Variants in PUS1 observed in about 807,000 individuals in gnomAD.
PUS1 encodes the protein pseudouridylate synthase 1 homolog.
Under a neutral mutation model 38.5 loss-of-function variants are expected in PUS1, and 25 were observed. That is an observed-to-expected ratio of 0.65 (90% CI 0.47 to 0.91). The LOEUF is 0.91. Among genes scored for constraint, PUS1 ranks in the 40% least tolerant of loss-of-function variants. The pLI, the probability that PUS1 is intolerant of heterozygous loss-of-function variation, is 0.00. For synonymous variants in PUS1, 282 were observed against 260.4 expected (o/e 1.08, Z -0.80); for missense variants, 597 against 612.3 (o/e 0.97, Z 0.26).
intron 3 of PUS1, chr12:131,932,558 C>G (rs1256329082): frequency 8.5e-6 from 5 of 586,442 alleles, no homozygotes; most frequent in Non-Finnish European, 9.1e-6. Flanking sequence ...TGTGTTGATT[C>G]TGTTCTCAGG....
chr12:131,941,043 A>G lies in PUS1; in HGVS notation c.545-249A>G. 1 of 554,780 alleles carries G rather than the reference A, an allele frequency of 1.8e-6. No individual in the cohort carries two copies. Among genetic ancestry groups the G allele is most frequent in the Non-Finnish European group, 3.2e-6 (1 of 309,202 alleles). 34.4% of individuals were successfully genotyped at this position (554,780 alleles called of 1,614,324 possible). A position where few individuals can be genotyped will look rare whatever the true frequency, so the allele number is the denominator to read the frequency against. On this transcript the variant is annotated intron_variant, in intron 4 of 5. Coordinates refer to ENST00000376649, the MANE Select transcript of PUS1 (RefSeq NM_025215.6). This position sits in a 1 kb window ranked among gnomAD's most constrained non-coding sequence, Gnocchi z 4.4. The stretch of plus-strand genomic sequence containing the variant: ...ACATTCCGTATCTTCTCACTATTGG[A>G]AAATTACAATAAATGGTTGTAAATT...
intron 5 of PUS1, among the ~76,000 whole-genome samples, chr12:131,942,613 A>T (rs375972551): frequency 2.0e-5 from 3 of 152,068 alleles, no homozygotes; most frequent in East Asian, 1.9e-4. Flanking sequence ...TCACCATGTT[A>T]GCCAGGATGG....
At chr12:131,936,866 CAAA>C (rs113924882) in intron 3 of PUS1, among the ~76,000 whole-genome samples, 12 of 133,782 alleles carry the variant, frequency 9.0e-5, no homozygotes, top group Admixed American at 2.3e-4. Flanking sequence ...TCCAGCCTGG[CAAA>C]AAAAAAAAAA....
chr12:131,932,365 C>T, intron 3 of PUS1, 53 bp downstream of exon 3: 1 of 1,601,814 alleles, frequency 6.2e-7, no homozygotes, highest in South Asian at 1.1e-5. Context: ...AGCACGTGGC[C>T]CACTTTCCAG....
In PUS1 at chr12:131,944,521, A is replaced by C. The variant is rs1891220714; in HGVS notation, c.*935A>C. The C allele has an allele frequency of 6.6e-6, 1 of 152,150 alleles. No individual in the cohort carries two copies. The highest frequency in any genetic ancestry group is 3.4e-3 in the Middle Eastern group (1 of 294). The allele number at this position is 152,150 out of a possible 1,614,324, so 9.4% of individuals were successfully genotyped here. A position where few individuals can be genotyped will look rare whatever the true frequency, so the allele number is the denominator to read the frequency against. The stretch of plus-strand genomic sequence containing the variant: ...AGAGCCAAACTCCGTCAAAAAAAAA[A>C]CAACAAAAAAACCCAGCATCCTGCA... On this transcript the variant is annotated 3_prime_UTR_variant, in exon 6 of 6. Transcript: ENST00000376649.
At chr12:131,937,678 T>C (rs1187447501) in intron 3 of PUS1, among the ~76,000 whole-genome samples, 1 of 152,072 alleles carries the variant, frequency 6.6e-6, no homozygotes, top group Non-Finnish European at 1.5e-5. Context: ...ACTCCGCCCG[T>C]TTTTTTGTTT....
intron 3 of PUS1, among the ~76,000 whole-genome samples, chr12:131,936,865 G>C (rs1006620993): frequency 1.1e-4 from 14 of 130,594 alleles, no homozygotes; most frequent in Admixed American, 9.1e-4. Context: ...CTCCAGCCTG[G>C]CAAAAAAAAA....
In PUS1 at chr12:131,929,454, G is replaced by A. The variant is rs1816934409; in HGVS notation, c.-269G>A. Reference sequence around the variant, plus strand: ...TGGAGTTGATCCGTCAGGGTCCCGGGGCGGTCTGGGGGCAGTAGAGACGGG... The same window carrying A: ...TGGAGTTGATCCGTCAGGGTCCCGGAGCGGTCTGGGGGCAGTAGAGACGGG... On this transcript the variant is annotated 5_prime_UTR_variant, in exon 1 of 6. Transcript: ENST00000376649. 2.4e-6 allele frequency: 1 copy of A among 418,286 alleles called. No individual in the cohort carries two copies. Among genetic ancestry groups the A allele is most frequent in the Admixed American group, 4.4e-5 (1 of 22,608 alleles). The allele number at this position is 418,286 out of a possible 1,614,324, so 25.9% of individuals were successfully genotyped here.
chr12:131,935,684 T>C (rs9788193), intron 3 of PUS1, among the ~76,000 whole-genome samples: 128,368 of 151,864 alleles, frequency 0.85, 54,731 homozygotes, highest in South Asian at 0.92. Context: ...CAGGCATGCG[T>C]CACCACGCCC....
intron 1 of PUS1, 45 bp downstream of exon 1, chr12:131,929,841 C>T (rs1566139002): frequency 8.3e-6 from 12 of 1,438,774 alleles, no homozygotes; most frequent in Non-Finnish European, 9.3e-6. Context: ...CCGCCCAGCC[C>T]AGCCCACCCC....
Position 131,941,377 on chromosome 12 carries a change from T to G in PUS1, c.630T>G (p.Phe210Leu). The change falls in exon 5 of 6, where the codon TTT (phenylalanine) becomes TTG (leucine). Residue 210 changes from phenylalanine to leucine, a missense_variant. Physicochemically the swap from Phe to Leu is conservative, Grantham distance 22. Transcript: ENST00000376649. This position sits in a 1 kb window ranked among gnomAD's most constrained non-coding sequence, Gnocchi z 4.4. Reference sequence around the variant, plus strand: ...GCTACCTGCTGCCCACGTTTGCCTTTGCGCACAAGGACCGGGACGTTCAGG... The same window carrying G: ...GCTACCTGCTGCCCACGTTTGCCTTGGCGCACAAGGACCGGGACGTTCAGG... ...TYCYLLPTFA[F>L]AHKDRDVQDE... is the part of the protein sequence containing the mutation. 1 of 1,614,228 alleles carries G rather than the reference T, an allele frequency of 6.2e-7. No homozygotes were observed. The highest frequency in any genetic ancestry group is 1.1e-5 in the South Asian group (1 of 91,084).
Position 131,941,200 on chromosome 12 carries a change from A to G in PUS1, c.545-92A>G, listed in dbSNP as rs1442097277. ...AGCTTGGTCGGTGCTCTGGGTAAGG[A>G]GACGCTGGGGCTCACGCCGTGCTCA... On this transcript the variant is annotated intron_variant, in intron 4 of 5. Coordinates refer to ENST00000376649, the MANE Select transcript of PUS1 (RefSeq NM_025215.6). This position sits in a 1 kb window ranked among gnomAD's most constrained non-coding sequence, Gnocchi z 4.4. 1.8e-6 allele frequency: 2 copies of G among 1,127,712 alleles called. No individual in the cohort carries two copies. Among genetic ancestry groups the G allele is most frequent in the African/African-American group, 3.1e-5 (2 of 64,982 alleles). The allele number at this position is 1,127,712 out of a possible 1,614,324, so 69.9% of individuals were successfully genotyped here.
intron 3 of PUS1, among the ~76,000 whole-genome samples, chr12:131,936,293 G>A (rs1593292204): frequency 6.6e-6 from 1 of 151,676 alleles, no homozygotes; most frequent in East Asian, 2.0e-4. Flanking sequence ...GCTGGGCGCG[G>A]GGGCTTAGCC....
In PUS1 at chr12:131,941,286, C is replaced by G. The variant is rs377129914; in HGVS notation, c.545-6C>G. 64 of 1,613,568 alleles carry G rather than the reference C, an allele frequency of 4.0e-5. No individual in the cohort carries two copies. In the Admixed American group the frequency reaches 4.7e-4, roughly 12 times the overall value. On this transcript the variant is annotated splice_region_variant and splice_polypyrimidine_tract_variant and intron_variant, in intron 4 of 5. Transcript: ENST00000376649. The surrounding 1 kb of genome is among the most constrained non-coding windows in gnomAD (Gnocchi z 4.4). ...CCTTTCTCCTCCCTGACCACCTCCC[C>G]CCTAGGACTGAAGCGGGTCACGGGC...
At chr12:131,929,879 C>A (rs1159136539) in intron 1 of PUS1, 28 bp from the exon 2 acceptor site, 5 of 1,125,036 alleles carry the variant, frequency 4.4e-6, no homozygotes, top group Non-Finnish European at 5.8e-6. Context: ...GCCGAGCGGG[C>A]CCCCGCTCAC....
chr12:131,935,218 T>C (rs1890770767), intron 3 of PUS1, among the ~76,000 whole-genome samples: 1 of 152,246 alleles, frequency 6.6e-6, no homozygotes, highest in Non-Finnish European at 1.5e-5. Flanking sequence ...GTGATGCATC[T>C]GTGGCTCAAG....
chr12:131,943,440 C>T, intron 5 of PUS1, 99 bp from the exon 6 acceptor site: 1 of 960,856 alleles, frequency 1.0e-6, no homozygotes, highest in Non-Finnish European at 1.7e-6. Context: ...GTGGTGGGGG[C>T]AAGGCTCCTG....
At position 131,944,417 on chromosome 12, in the gene PUS1, G is replaced by A. The variant is rs11246878; in HGVS notation, c.*831G>A. The A allele has an allele frequency of 0.023, 3,452 of 152,502 alleles. 56 individuals are homozygous for A. Among genetic ancestry groups the A allele is most frequent in the Non-Finnish European group, 0.036 (2,447 of 68,212 alleles). The allele number at this position is 152,502 out of a possible 1,614,324, so 9.4% of individuals were successfully genotyped here. On this transcript the variant is annotated 3_prime_UTR_variant, in exon 6 of 6. Coordinates refer to ENST00000376649, the MANE Select transcript of PUS1 (RefSeq NM_025215.6). ...TAATCCCAGCTACTTGGGAGGCTGAGGCAGGAGAATCGCTTGAACCTGGGA... is the reference window on the plus strand; with the variant it reads ...TAATCCCAGCTACTTGGGAGGCTGAAGCAGGAGAATCGCTTGAACCTGGGA...
chr12:131,940,180 C>T (rs1488603518), intron 4 of PUS1, among the ~76,000 whole-genome samples: 3 of 151,904 alleles, frequency 2.0e-5, no homozygotes, highest in African/African-American at 7.3e-5. Flanking sequence ...AGGCACACGC[C>T]ACCACAGCCG....
Sources: gnomAD v4.1 joint callset for allele counts (sites outside exome capture counted in the v4.1 genomes callset) on GRCh38, gnomAD v4.1.1 for gene constraint, Gnocchi (gnomAD v3.1) non-coding constraint, MANE v1.5 for transcripts, NCBI Gene and HGNC (gene_info 2026-07-23, HGNC 2026-07-21) for gene names.